TRAPPC9: variants seen among roughly 807,000 people sequenced by gnomAD.
The protein encoded by TRAPPC9 is trafficking protein particle complex subunit 9, also known as IKK2 binding protein.
In TRAPPC9, 83 loss-of-function variants were observed where a neutral mutation model predicts 124.0. That is an observed-to-expected ratio of 0.67 (90% confidence interval 0.56 to 0.80). The LOEUF (loss-of-function observed/expected upper bound fraction) is 0.80. Among genes scored for constraint, TRAPPC9 ranks in the 30% least tolerant of loss-of-function variants. The pLI, the probability that TRAPPC9 is intolerant of heterozygous loss-of-function variation, is 0.00. For synonymous variants in TRAPPC9, 638 were observed against 617.5 expected (o/e 1.03, Z -0.49); for missense variants, 1,302 against 1,508.3 (o/e 0.86, Z 2.27).
At chr8:140,093,094 C>A (rs1223591570) in intron 17 of TRAPPC9, among the ~76,000 whole-genome samples, 1 of 151,744 alleles carries the variant, frequency 6.6e-6, no homozygotes, top group Non-Finnish European at 1.5e-5. Context: ...TACACATAAA[C>A]CATCCCCAAA....
intron 21 of TRAPPC9, among the ~76,000 whole-genome samples, chr8:139,777,691 T>A (rs2130499788): frequency 6.6e-6 from 1 of 152,320 alleles, no homozygotes; most frequent in Non-Finnish European, 1.5e-5. Context: ...CAAGGATAGA[T>A]TTACCCTCCG....
At chr8:139,902,564 C>A (rs1205698602) in intron 20 of TRAPPC9, among the ~76,000 whole-genome samples, 1 of 152,236 alleles carries the variant, frequency 6.6e-6, no homozygotes, top group Admixed American at 6.5e-5. Context: ...GTACTGATGG[C>A]AGGAGCCGTT....
At chr8:140,267,298 G>A (rs1305497971) in intron 15 of TRAPPC9, among the ~76,000 whole-genome samples, 2 of 152,198 alleles carry the variant, frequency 1.3e-5, no homozygotes, top group Admixed American at 1.3e-4. Flanking sequence ...ACCAGGCACC[G>A]GCATGCAAAC....
chr8:139,810,528 C>T (rs1330893869), intron 21 of TRAPPC9, among the ~76,000 whole-genome samples: 2 of 152,138 alleles, frequency 1.3e-5, no homozygotes, highest in Non-Finnish European at 2.9e-5. Context: ...CTCCCCCATC[C>T]CCTGAGAGCT....
intron 19 of TRAPPC9, among the ~76,000 whole-genome samples, chr8:139,974,933 G>A (rs1356266626): frequency 1.3e-5 from 2 of 152,036 alleles, no homozygotes; most frequent in East Asian, 3.9e-4. Flanking sequence ...CCCTGGGGCT[G>A]CCTGCTCTGC....
At chr8:139,803,168 C>G (rs542229631) in intron 21 of TRAPPC9, among the ~76,000 whole-genome samples, 1 of 150,422 alleles carries the variant, frequency 6.6e-6, no homozygotes, top group African/African-American at 2.5e-5. Context: ...GTGCTGTGTG[C>G]GCGTTGTGTA....
intron 3 of TRAPPC9, among the ~76,000 whole-genome samples, chr8:140,436,428 TA>T (rs2070816780): frequency 6.6e-6 from 1 of 152,202 alleles, no homozygotes; most frequent in Non-Finnish European, 1.5e-5. Context: ...AAAACAAAAA[TA>T]AAGTACTGGA....
At chr8:140,040,562 TCAGTA>T (rs2132026993) in intron 17 of TRAPPC9, 2 of 152,448 alleles carry the variant, frequency 1.3e-5, no homozygotes, top group African/African-American at 4.8e-5. Flanking sequence ...TTTTGTATTT[TCAGTA>T]CAGACAGGGT....
chr8:139,792,260 TC>T (rs1822744577), intron 21 of TRAPPC9, among the ~76,000 whole-genome samples: 1 of 152,020 alleles, frequency 6.6e-6, no homozygotes, highest in African/African-American at 2.4e-5. Flanking sequence ...GGGGGACCTC[TC>T]CATCTCAGGA....
At chr8:140,256,948 T>C (rs996240616) in intron 15 of TRAPPC9, among the ~76,000 whole-genome samples, 2 of 152,176 alleles carry the variant, frequency 1.3e-5, no homozygotes, top group Non-Finnish European at 2.9e-5. Flanking sequence ...CCACCACCAA[T>C]GATGGGGGCT....
intron 17 of TRAPPC9, among the ~76,000 whole-genome samples, chr8:140,083,498 G>A (rs1448225794): frequency 2.6e-5 from 4 of 152,106 alleles, no homozygotes; most frequent in Non-Finnish European, 5.9e-5. Context: ...AGGGAAGAGC[G>A]AGAACCACAG....
At chr8:140,384,415 C>T (rs1264145332) in intron 7 of TRAPPC9, among the ~76,000 whole-genome samples, 2 of 152,102 alleles carry the variant, frequency 1.3e-5, no homozygotes, top group Admixed American at 1.3e-4. Flanking sequence ...TCAGGAAACC[C>T]ATCTCACATG....
In TRAPPC9 at chr8:140,454,327, C is replaced by T. The variant is rs569390597; in HGVS notation, c.-10-2944G>A. ...AATAAAAATGATTTAAAAATAAAAA[C>T]TATCGTCTCATCTAAAAAGCAGCAT... On this transcript the variant is annotated intron_variant, in intron 1 of 22. Transcript: ENST00000438773. 2.4e-4 allele frequency among the ~76,000 whole-genome samples: 36 copies of T among 151,430 alleles called. 1 individual carries two copies. Among genetic ancestry groups the T allele is most frequent in the South Asian group, 6.3e-4 (3 of 4,778 alleles).
At chr8:139,755,430 A>C (rs1240237707) in intron 21 of TRAPPC9, among the ~76,000 whole-genome samples, 1 of 141,504 alleles carries the variant, frequency 7.1e-6, no homozygotes, top group Non-Finnish European at 1.5e-5. Flanking sequence ...GGGGATGAGA[A>C]CAGCATGTCG....
chr8:139,975,927 CTTTT>C lies in TRAPPC9; in HGVS notation c.2810+12795_2810+12798del, dbSNP rs528679775. ...AGCCATCCAATGGAGAAAGGACAGT[CTTTT>C]TTTTTTTTTTTTTTTTTTTGAGATG... On this transcript the variant is annotated intron_variant, in intron 19 of 22. Coordinates refer to ENST00000438773, the MANE Select transcript of TRAPPC9 (RefSeq NM_001160372.4). Among the ~76,000 whole-genome samples the C allele has an allele frequency of 2.1e-4, 20 of 95,570 alleles. No individual in the cohort carries two copies. The Admixed American group carries it at 2.4e-3, about 11-fold the overall frequency. The allele number at this position is 95,570 out of a possible 152,430, so 62.7% of individuals were successfully genotyped here.
intron 17 of TRAPPC9, among the ~76,000 whole-genome samples, chr8:140,112,082 G>A (rs968715601): frequency 3.9e-5 from 6 of 152,250 alleles, no homozygotes; most frequent in Non-Finnish European, 1.5e-5. Flanking sequence ...AACAGAGGAG[G>A]AATAATAATA....
In TRAPPC9 at chr8:139,728,146, A is replaced by G. The variant is rs1395021884; in HGVS notation, c.*2915T>C. 6.6e-6 allele frequency among the ~76,000 whole-genome samples: 1 copy of G among 152,248 alleles called. No homozygotes were observed. The highest frequency in any genetic ancestry group is 1.5e-5 in the Non-Finnish European group (1 of 68,040). On this transcript the variant is annotated 3_prime_UTR_variant, in exon 23 of 23. Transcript: ENST00000438773. ...AAGGCTTAATTTAAGTAACTTGTCC[A>G]AGGTCAAGGAGTTGACAAGTGGCTG...
At chr8:139,894,235 C>T (rs1273664117) in intron 20 of TRAPPC9, among the ~76,000 whole-genome samples, 4 of 152,206 alleles carry the variant, frequency 2.6e-5, no homozygotes, top group African/African-American at 7.2e-5. Context: ...TTCTACCTGT[C>T]GAGTCCCGGC....
At chr8:139,815,619 T>C (rs2130768361) in intron 21 of TRAPPC9, among the ~76,000 whole-genome samples, 1 of 151,414 alleles carries the variant, frequency 6.6e-6, no homozygotes, top group Middle Eastern at 3.4e-3. Flanking sequence ...CTAGAACTCC[T>C]GACCTCAAAT....
Sources: allele counts gnomAD v4.1 joint callset (sites outside exome capture counted in the v4.1 genomes callset), GRCh38; gene constraint gnomAD v4.1.1; transcripts MANE v1.5; gene names NCBI Gene and HGNC (gene_info 2026-07-23, HGNC 2026-07-21).